TAFA4: variants seen among roughly 807,000 people sequenced by gnomAD.
TAFA4 encodes chemokine-like protein TAFA-4.
Under a neutral mutation model 21.1 loss-of-function variants are expected in TAFA4, and 20 were observed. The ratio of observed to expected loss-of-function variants is 0.95; its 90% CI spans 0.67 to 1.38. TAFA4 has a LOEUF of 1.38. TAFA4 is among the 40% of genes most tolerant of loss of function. The pLI is 0.00. For synonymous variants in TAFA4, 71 were observed against 67.4 expected (o/e 1.05, Z -0.26); for missense variants, 211 against 180.9 (o/e 1.17, Z -0.95).
chr3:68,902,259 G>A (rs1384821643), intron 1 of TAFA4, among the ~76,000 whole-genome samples: 3 of 151,892 alleles, frequency 2.0e-5, no homozygotes, highest in Non-Finnish European at 4.4e-5. Flanking sequence ...CTTAACCATC[G>A]GGCAACTCTG....
chr3:68,814,158 G>T (rs1375350545), intron 3 of TAFA4, among the ~76,000 whole-genome samples: 1 of 152,096 alleles, frequency 6.6e-6, no homozygotes, highest in Admixed American at 6.6e-5. Context: ...GTATTGATGG[G>T]ATGTATCTCA....
chr3:68,841,331 A>G (rs372499125), intron 3 of TAFA4, among the ~76,000 whole-genome samples: 2 of 150,456 alleles, frequency 1.3e-5, no homozygotes, highest in African/African-American at 4.9e-5. Flanking sequence ...TCAAAAAAAA[A>G]AAAAATAAAA....
At chr3:68,777,203 A>G (rs552071678) in intron 3 of TAFA4, among the ~76,000 whole-genome samples, 2 of 152,252 alleles carry the variant, frequency 1.3e-5, no homozygotes, top group South Asian at 2.1e-4. Flanking sequence ...ATAATACACT[A>G]TGGAATTTAA....
Position 68,897,985 on chromosome 3 carries a change from A to T in TAFA4, c.-122-12675T>A, listed in dbSNP as rs77064689. On this transcript the variant is annotated intron_variant, in intron 1 of 5. Coordinates refer to ENST00000295569, the MANE Select transcript of TAFA4 (RefSeq NM_182522.5). ...ATTTCCTGGTAGACAGCAAGGTTGC[A>T]AGGGGATGAGACAAAGGACTGGTCA... 1.6e-4 allele frequency among the ~76,000 whole-genome samples: 25 copies of T among 152,350 alleles called. No homozygotes were observed. In the East Asian group the frequency reaches 4.8e-3, roughly 29 times the overall value.
At chr3:68,917,847 C>T (rs1472971370) in intron 1 of TAFA4, among the ~76,000 whole-genome samples, 4 of 151,488 alleles carry the variant, frequency 2.6e-5, no homozygotes, top group Non-Finnish European at 5.9e-5. Flanking sequence ...GAATTCAACA[C>T]TTCTGAGTTT....
intron 1 of TAFA4, among the ~76,000 whole-genome samples, chr3:68,899,511 C>T (rs572510249): frequency 1.4e-4 from 21 of 152,074 alleles, no homozygotes; most frequent in South Asian, 8.3e-4. Context: ...AGCCATTCCT[C>T]CTATTCAGGA....
intron 3 of TAFA4, among the ~76,000 whole-genome samples, chr3:68,758,572 T>C (rs1702702860): frequency 6.6e-6 from 1 of 152,234 alleles, no homozygotes. Flanking sequence ...TGTGAGTCCA[T>C]TAAACCTCTT....
At chr3:68,857,799 A>G (rs1705103386) in intron 3 of TAFA4, among the ~76,000 whole-genome samples, 2 of 151,600 alleles carry the variant, frequency 1.3e-5, no homozygotes, top group South Asian at 4.2e-4. Context: ...GGAAACTAAC[A>G]TCATTCAAAA....
chr3:68,847,261 C>G (rs1379998102), intron 3 of TAFA4, among the ~76,000 whole-genome samples: 1 of 152,234 alleles, frequency 6.6e-6, no homozygotes. Flanking sequence ...AGTGGCTTTT[C>G]TGAGCTGCAG....
intron 5 of TAFA4, 53 bp from the exon 6 acceptor site, chr3:68,733,206 A>C: frequency 6.3e-7 from 1 of 1,595,520 alleles, no homozygotes; most frequent in East Asian, 2.2e-5. Flanking sequence ...CACCGAAATA[A>C]CCATTCCTGC....
chr3:68,837,418 T>C (rs1278122464), intron 3 of TAFA4, among the ~76,000 whole-genome samples: 1 of 152,230 alleles, frequency 6.6e-6, no homozygotes, highest in Admixed American at 6.5e-5. Flanking sequence ...CTTGCTCTAC[T>C]ACATCAATAT....
chr3:68,894,054 A>G (rs1039948681), intron 1 of TAFA4, among the ~76,000 whole-genome samples: 5 of 152,342 alleles, frequency 3.3e-5, no homozygotes, highest in Admixed American at 6.5e-5. Flanking sequence ...AAAATATACT[A>G]ACAGCTTCTA....
intron 4 of TAFA4, among the ~76,000 whole-genome samples, chr3:68,743,808 T>A (rs1286980516): frequency 6.6e-6 from 1 of 152,100 alleles, no homozygotes; most frequent in African/African-American, 2.4e-5. Flanking sequence ...GGTACTAGAA[T>A]CTAGATTTTC....
At chr3:68,802,239 C>G (rs1356510085) in intron 3 of TAFA4, among the ~76,000 whole-genome samples, 4 of 151,942 alleles carry the variant, frequency 2.6e-5, no homozygotes, top group Admixed American at 1.3e-4. Context: ...GTATCTTTTT[C>G]TAAGTGTTCC....
chr3:68,812,676 A>G (rs549213432), intron 3 of TAFA4, among the ~76,000 whole-genome samples: 1 of 152,348 alleles, frequency 6.6e-6, no homozygotes, highest in African/African-American at 2.4e-5. Context: ...TTCATAAAGC[A>G]AGTCCTTAGA....
At chr3:68,766,639 A>AT (rs2106775730) in intron 3 of TAFA4, among the ~76,000 whole-genome samples, 1 of 152,268 alleles carries the variant, frequency 6.6e-6, no homozygotes, top group East Asian at 1.9e-4. Flanking sequence ...AACAATCCAG[A>AT]TGTCCCCGAA....
At chr3:68,846,172 T>C (rs2106901981) in intron 3 of TAFA4, among the ~76,000 whole-genome samples, 1 of 152,226 alleles carries the variant, frequency 6.6e-6, no homozygotes. Context: ...AGATTTGTTC[T>C]TCTCACATAG....
chr3:68,858,677 T>C (rs1253492382), intron 3 of TAFA4, among the ~76,000 whole-genome samples: 2 of 151,526 alleles, frequency 1.3e-5, no homozygotes, highest in Non-Finnish European at 2.9e-5. Flanking sequence ...AGGTACACTG[T>C]TGTCCCCTTT....
intron 3 of TAFA4, among the ~76,000 whole-genome samples, chr3:68,867,020 A>C (rs983775998): frequency 1.2e-4 from 19 of 152,176 alleles, no homozygotes; most frequent in African/African-American, 4.6e-4. Flanking sequence ...ATTCTGAAAG[A>C]TAATAACAGA....
Sources: gnomAD v4.1 joint callset for allele counts (sites outside exome capture counted in the v4.1 genomes callset) on GRCh38, gnomAD v4.1.1 for gene constraint, MANE v1.5 for transcripts, NCBI Gene and HGNC (gene_info 2026-07-23, HGNC 2026-07-21) for gene names.